The following MEIS1 variants were observed in gnomAD, a reference collection of about 807,000 sequenced individuals.
The protein encoded by MEIS1 is Meis homeobox 1, also known as homeobox protein Meis1.
Under a neutral mutation model 50.8 loss-of-function variants are expected in MEIS1, and 5 were observed. That is an observed-to-expected ratio of 0.10 (90% confidence interval 0.05 to 0.21). The LOEUF (loss-of-function observed/expected upper bound fraction) is 0.21, where lower values mean the gene tolerates loss of function less well. MEIS1 is among the 10% of genes least tolerant of loss of function. MEIS1 has a pLI of 1.00. For missense variants in MEIS1, 318 were observed against 517.3 expected (o/e 0.61, Z 3.74); for synonymous variants, 176 against 179.3 (o/e 0.98, Z 0.15).
chr2:66,535,597 T>C (rs868766184), intron 8 of MEIS1, among the ~76,000 whole-genome samples: 3 of 152,280 alleles, frequency 2.0e-5, no homozygotes, highest in Middle Eastern at 3.4e-3. Context: ...GAAAGTGTAC[T>C]TTGGGAAACA....
At chr2:66,443,817 T>G (rs1291890115) in intron 6 of MEIS1, 1 of 152,654 alleles carries the variant, frequency 6.6e-6, no homozygotes, top group Non-Finnish European at 1.5e-5. Context: ...GTAAGGAGTG[T>G]GGGGGACCTC....
At chr2:66,520,898 C>T (rs910257778) in intron 8 of MEIS1, among the ~76,000 whole-genome samples, 16 of 152,198 alleles carry the variant, frequency 1.1e-4, no homozygotes, top group Non-Finnish European at 1.9e-4. Flanking sequence ...CTTTCCACCA[C>T]GCTGCCTCTC....
At chr2:66,519,951 G>A (rs1210914938) in intron 8 of MEIS1, among the ~76,000 whole-genome samples, 2 of 152,028 alleles carry the variant, frequency 1.3e-5, no homozygotes, top group African/African-American at 4.8e-5. Flanking sequence ...GTTTTTATCT[G>A]TTTCCACAAT....
At chr2:66,501,295 C>A (rs1673548772) in intron 7 of MEIS1, among the ~76,000 whole-genome samples, 1 of 151,998 alleles carries the variant, frequency 6.6e-6, no homozygotes, top group Non-Finnish European at 1.5e-5. Context: ...CTCTTTATTT[C>A]CTGAGAAAAA....
At chr2:66,499,924 A>G (rs1386372444) in intron 7 of MEIS1, among the ~76,000 whole-genome samples, 2 of 152,122 alleles carry the variant, frequency 1.3e-5, no homozygotes, top group East Asian at 3.9e-4. Context: ...GCACTGTGCT[A>G]TATATTTCCT....
intron 9 of MEIS1, among the ~76,000 whole-genome samples, chr2:66,562,481 A>G (rs373249962): frequency 4.4e-4 from 67 of 152,194 alleles, no homozygotes; most frequent in African/African-American, 1.6e-3. Flanking sequence ...TTTTTTAAAC[A>G]TGAGTCACAG....
At chr2:66,469,769 C>G (rs943068396) in intron 7 of MEIS1, among the ~76,000 whole-genome samples, 2 of 152,024 alleles carry the variant, frequency 1.3e-5, no homozygotes, top group Admixed American at 6.5e-5. Context: ...TCCTTTATTT[C>G]TTTCCTATGG....
chr2:66,561,440 A>C (rs1343321264), intron 9 of MEIS1, among the ~76,000 whole-genome samples: 4 of 152,172 alleles, frequency 2.6e-5, no homozygotes. Context: ...TATTTATAGA[A>C]ATCACAAAAA....
intron 7 of MEIS1, among the ~76,000 whole-genome samples, chr2:66,503,858 C>T (rs1245747938): frequency 6.7e-6 from 1 of 150,088 alleles, no homozygotes; most frequent in African/African-American, 2.5e-5. Flanking sequence ...CATTCTCCTG[C>T]CTCATCCTCC....
At chr2:66,457,268 G>C (rs1479994774) in intron 6 of MEIS1, among the ~76,000 whole-genome samples, 1 of 151,752 alleles carries the variant, frequency 6.6e-6, no homozygotes, top group African/African-American at 2.4e-5. Context: ...AGAGGAGCAG[G>C]CTGTATCTAG....
intron 8 of MEIS1, among the ~76,000 whole-genome samples, chr2:66,543,172 T>C (rs1674697484): frequency 6.6e-6 from 1 of 152,192 alleles, no homozygotes; most frequent in Admixed American, 6.5e-5. Context: ...AGCTCAGGCT[T>C]AACTTTTACA....
At chr2:66,527,954 A>G (rs1674298119) in intron 8 of MEIS1, among the ~76,000 whole-genome samples, 1 of 152,172 alleles carries the variant, frequency 6.6e-6, no homozygotes, top group Admixed American at 6.5e-5. Context: ...GGAACGTTCT[A>G]TGATGTTTGA....
intron 7 of MEIS1, among the ~76,000 whole-genome samples, chr2:66,494,984 C>G (rs1429946035): frequency 6.6e-6 from 1 of 151,882 alleles, no homozygotes; most frequent in Non-Finnish European, 1.5e-5. Flanking sequence ...AAATTTGCCC[C>G]TGGTTCACAG....
chr2:66,523,270 T>C (rs1674171616), intron 8 of MEIS1, among the ~76,000 whole-genome samples: 1 of 152,204 alleles, frequency 6.6e-6, no homozygotes, highest in Non-Finnish European at 1.5e-5. Context: ...TTTTGCCTCA[T>C]AGACTTCAGG....
In MEIS1 at chr2:66,486,441, T is replaced by TGTTCC. The variant is rs775860354; in HGVS notation, c.742+22222_742+22226dup. ...GGTGTTATTTCTGAGGCCTCTGTTCTGTTCCATTGGTCTATATATCTGCTT... is the reference window on the plus strand; with the variant it reads ...GGTGTTATTTCTGAGGCCTCTGTTCTGTTCCGTTCCATTGGTCTATATATCTGCTT... On this transcript the variant is annotated intron_variant, in intron 7 of 12. Coordinates refer to ENST00000272369, the MANE Select transcript of MEIS1 (RefSeq NM_002398.3). 7.9e-4 allele frequency among the ~76,000 whole-genome samples: 121 copies of TGTTCC among 152,324 alleles called. 1 individual carries two copies. Among genetic ancestry groups the TGTTCC allele is most frequent in the Admixed American group, 5.2e-4 (8 of 15,314 alleles).
intron 7 of MEIS1, among the ~76,000 whole-genome samples, chr2:66,480,620 G>A (rs1436381603): frequency 6.7e-6 from 1 of 148,838 alleles, no homozygotes; most frequent in Non-Finnish European, 1.5e-5. Context: ...CCTGAAGATA[G>A]ACAAGTCTTG....
At chr2:66,507,028 G>C (rs540553598) in intron 7 of MEIS1, among the ~76,000 whole-genome samples, 20 of 152,274 alleles carry the variant, frequency 1.3e-4, no homozygotes, top group African/African-American at 4.8e-4. Context: ...TACTCTATGG[G>C]AGAAACATGC....
intron 7 of MEIS1, among the ~76,000 whole-genome samples, chr2:66,511,096 G>A (rs939873456): frequency 2.6e-5 from 4 of 152,118 alleles, no homozygotes; most frequent in Non-Finnish European, 5.9e-5. Flanking sequence ...CTAAGAGAAC[G>A]GTTGACCGAG....
intron 7 of MEIS1, among the ~76,000 whole-genome samples, chr2:66,505,867 A>G (rs970420020): frequency 1.3e-5 from 2 of 152,212 alleles, no homozygotes; most frequent in African/African-American, 4.8e-5. Flanking sequence ...TTTAGAAGAA[A>G]TATCCCAGCT....
Sources: gnomAD v4.1 joint callset for allele counts (sites outside exome capture counted in the v4.1 genomes callset) on GRCh38, gnomAD v4.1.1 for gene constraint, MANE v1.5 for transcripts, NCBI Gene and HGNC (gene_info 2026-07-23, HGNC 2026-07-21) for gene names.